Variants in HYAL4 observed in about 807,000 individuals in gnomAD.
The protein encoded by HYAL4 is hyaluronidase 4.
HYAL4 carries 37 observed loss-of-function variants against 35.2 expected under a neutral mutation model. The observed-to-expected ratio is 1.05, with a 90% confidence interval of 0.81 to 1.38. The LOEUF (loss-of-function observed/expected upper bound fraction) is 1.38, where lower values mean the gene tolerates loss of function less well. Among genes scored for constraint, HYAL4 ranks in the 40% most tolerant of loss-of-function variants. HYAL4 has a pLI of 0.00. For synonymous variants in HYAL4, 198 were observed against 203.2 expected, an observed-to-expected ratio of 0.97 and a Z score of 0.22; for missense variants, 572 against 572.4, an observed-to-expected ratio of 1.00 and a Z score of 0.01.
the HYAL4 span, among the ~76,000 whole-genome samples, chr7:123,803,873 G>T: frequency 1.3e-5 from 2 of 152,046 alleles, no homozygotes; most frequent in African/African-American, 2.4e-5. Flanking sequence ...TTGAAATTCT[G>T]CTTATGTTTC....
At chr7:123,819,629 C>G in the HYAL4 span, among the ~76,000 whole-genome samples, 1 of 152,058 alleles carries the variant, frequency 6.6e-6, no homozygotes, top group Non-Finnish European at 1.5e-5. Flanking sequence ...AGAAAGAGCA[C>G]AATCATTCTA....
intron 2 of HYAL4, among the ~76,000 whole-genome samples, chr7:123,857,653 G>GTTTCTTTCTTTGTTTGTTTGTTTCTTTC (rs1806473259): frequency 2.7e-5 from 4 of 146,964 alleles, no homozygotes; most frequent in Non-Finnish European, 4.5e-5. Flanking sequence ...GCCTTTCTTT[G>GTTTCTTTCTTTGTTTGTTTGTTTCTTTC]TTTCTTTCTT....
the HYAL4 span, among the ~76,000 whole-genome samples, chr7:123,823,573 G>A: frequency 6.6e-6 from 1 of 151,958 alleles, no homozygotes; most frequent in Non-Finnish European, 1.5e-5. Context: ...AAGTTTTCAG[G>A]TCCAGGGCTC....
At chr7:123,843,339 TG>T (rs571385849), upstream of HYAL4, among the ~76,000 whole-genome samples, 33 of 152,252 alleles carry the variant, frequency 2.2e-4, 1 homozygote, top group South Asian at 6.8e-3. Context: ...CACTCTCTTC[TG>T]GCTTGTAGCA....
At chr7:123,776,780 G>A in the HYAL4 span, among the ~76,000 whole-genome samples, 226 of 152,136 alleles carry the variant, frequency 1.5e-3, no homozygotes, top group African/African-American at 5.1e-3. Flanking sequence ...TACATTTTGG[G>A]GCAGCACACA....
At position 123,875,423 on chromosome 7, in the gene HYAL4, T is replaced by C. The variant is rs189667184; in HGVS notation, c.1044+573T>C. 3.3e-5 allele frequency among the ~76,000 whole-genome samples: 5 copies of C among 152,126 alleles called. No individual in the cohort carries two copies. The East Asian group carries it at 9.7e-4, about 29-fold the overall frequency. On this transcript the variant is annotated intron_variant, in intron 4 of 4. Transcript: ENST00000223026. ...GCTCATGCCTGTAATTCCTGCATTT[T>C]GGGAGGTGGGATCACTTCAGGCCAG...
chr7:123,846,778 A>G (rs1353595921), intron 1 of HYAL4, among the ~76,000 whole-genome samples: 1 of 152,148 alleles, frequency 6.6e-6, no homozygotes, highest in East Asian at 1.9e-4. Context: ...GACAAGGCAG[A>G]AATAGCTTCC....
chr7:123,821,140 A>G, the HYAL4 span, among the ~76,000 whole-genome samples: 5 of 152,296 alleles, frequency 3.3e-5, no homozygotes, highest in East Asian at 1.9e-4. Context: ...TGAGATTGCA[A>G]TTTCACTTCT....
chr7:123,767,858 AG>A, the HYAL4 span, among the ~76,000 whole-genome samples: 1 of 152,222 alleles, frequency 6.6e-6, no homozygotes, highest in Non-Finnish European at 1.5e-5. Context: ...AAAAAACATC[AG>A]GTATGCATCA....
intron 3 of HYAL4, among the ~76,000 whole-genome samples, chr7:123,872,989 A>G (rs2116965903): frequency 6.6e-6 from 1 of 152,314 alleles, no homozygotes; most frequent in African/African-American, 2.4e-5. Context: ...TTTGATGACA[A>G]TGCCTTCATC....
chr7:123,831,307 A>G (rs910568306), intron 1 of HYAL4, among the ~76,000 whole-genome samples: 3 of 152,198 alleles, frequency 2.0e-5, no homozygotes, highest in East Asian at 3.9e-4. Context: ...ACCAGAAGCC[A>G]GGGCCATGAT....
the HYAL4 span, among the ~76,000 whole-genome samples, chr7:123,807,828 C>T: frequency 6.6e-6 from 1 of 151,506 alleles, no homozygotes; most frequent in Non-Finnish European, 1.5e-5. Flanking sequence ...ACCTCCCAGA[C>T]TCAAGTGATC....
chr7:123,825,938 C>T (rs910796596), upstream of HYAL4, among the ~76,000 whole-genome samples: 2 of 150,340 alleles, frequency 1.3e-5, no homozygotes, highest in Non-Finnish European at 1.5e-5. Flanking sequence ...TTATTTTATT[C>T]CTCTATGTTA....
intron 4 of HYAL4, among the ~76,000 whole-genome samples, chr7:123,875,169 C>T (rs1054406820): frequency 6.6e-6 from 1 of 152,148 alleles, no homozygotes; most frequent in Non-Finnish European, 1.5e-5. Context: ...AGGAAACCAA[C>T]TAGGTTAATA....
At chr7:123,825,484 G>A (rs1340437649), upstream of HYAL4, among the ~76,000 whole-genome samples, 1 of 152,096 alleles carries the variant, frequency 6.6e-6, no homozygotes, top group African/African-American at 2.4e-5. Context: ...GAGATGGAGA[G>A]ACAATGGGTT....
At chr7:123,872,569 T>C (rs1806912533) in intron 3 of HYAL4, among the ~76,000 whole-genome samples, 1 of 152,216 alleles carries the variant, frequency 6.6e-6, no homozygotes, top group Admixed American at 6.5e-5. Context: ...CCAAGGATCA[T>C]GTGTAGGTGC....
chr7:123,872,461 C>T lies in HYAL4; in HGVS notation c.955-2300C>T, dbSNP rs556471016. ...CCAGCTCCCCACAGTGGGCACGTTG[C>T]TTACATGCACTTTGATAAGCGTCAG... On this transcript the variant is annotated intron_variant, in intron 3 of 4. Transcript: ENST00000223026. 2.4e-3 allele frequency among the ~76,000 whole-genome samples: 365 copies of T among 152,304 alleles called. 4 individuals are homozygous for T. Among genetic ancestry groups the T allele is most frequent in the Non-Finnish European group, 4.6e-3 (314 of 68,030 alleles).
intron 3 of HYAL4, among the ~76,000 whole-genome samples, chr7:123,870,807 T>A (rs1368346981): frequency 6.6e-6 from 1 of 151,692 alleles, no homozygotes; most frequent in African/African-American, 2.4e-5. Flanking sequence ...TATAAAATAA[T>A]CTTGACTCTG....
At chr7:123,786,589 TG>T in the HYAL4 span, among the ~76,000 whole-genome samples, 1 of 151,994 alleles carries the variant, frequency 6.6e-6, no homozygotes, top group East Asian at 1.9e-4. Flanking sequence ...CATGTTCCAA[TG>T]GGGAAACATT....
Sources: gnomAD v4.1 joint callset for allele counts (sites outside exome capture counted in the v4.1 genomes callset) on GRCh38, gnomAD v4.1.1 for gene constraint, MANE v1.5 for transcripts, NCBI Gene and HGNC (gene_info 2026-07-23, HGNC 2026-07-21) for gene names.